The following FRYL variants were observed in gnomAD, a reference collection of about 807,000 sequenced individuals.
The protein encoded by FRYL is FRY like transcription coactivator.
FRYL carries 150 observed loss-of-function variants against 351.2 expected under a neutral mutation model. That is an observed-to-expected ratio of 0.43 (90% CI 0.37 to 0.49). FRYL has a LOEUF of 0.49. Ranked by LOEUF, FRYL falls within the 20% of genes least tolerant of loss-of-function variation. The probability of loss-of-function intolerance (pLI) is 0.00; values close to 1 mark genes in which losing one functional copy is unlikely to be tolerated. For missense variants in FRYL, 3,036 were observed against 3,619.3 expected, an observed-to-expected ratio of 0.84 and a Z score of 4.13; for synonymous variants, 1,153 against 1,257.1, an observed-to-expected ratio of 0.92 and a Z score of 1.75.
At chr4:48,600,859 A>G (rs1248709575) in intron 13 of FRYL, among the ~76,000 whole-genome samples, 2 of 152,192 alleles carry the variant, frequency 1.3e-5, no homozygotes, top group Non-Finnish European at 2.9e-5. Flanking sequence ...TAAAGAGTTC[A>G]ATCAGTTTGA....
chr4:48,646,747 G>A (rs1470687257), intron 3 of FRYL, among the ~76,000 whole-genome samples: 2 of 152,156 alleles, frequency 1.3e-5, no homozygotes, highest in Admixed American at 6.6e-5. Flanking sequence ...TAAGCAGTCA[G>A]TACAGAGGGG....
At chr4:48,499,879 G>T in intron 63 of FRYL, 151 bp downstream of exon 63, 1 of 740,346 alleles carries the variant, frequency 1.4e-6, no homozygotes, top group Non-Finnish European at 2.1e-6. Flanking sequence ...ATCTAAAATT[G>T]GTATCATTTC....
At chr4:48,636,469 A>C (rs1754255198) in intron 3 of FRYL, among the ~76,000 whole-genome samples, 1 of 152,064 alleles carries the variant, frequency 6.6e-6, no homozygotes, top group Non-Finnish European at 1.5e-5. Flanking sequence ...AAATTTTAAC[A>C]AAGTAAAAAC....
At chr4:48,777,343 G>A (rs1420299751) in intron 1 of FRYL, among the ~76,000 whole-genome samples, 1 of 152,194 alleles carries the variant, frequency 6.6e-6, no homozygotes, top group Non-Finnish European at 1.5e-5. Flanking sequence ...CTGGCCTTTA[G>A]TATAAAATGT....
At chr4:48,559,085 G>A (rs1488012190) in intron 33 of FRYL, among the ~76,000 whole-genome samples, 2 of 152,100 alleles carry the variant, frequency 1.3e-5, no homozygotes, top group Admixed American at 6.5e-5. Flanking sequence ...TTTCTTATTC[G>A]GTAAAAAGAA....
intron 3 of FRYL, among the ~76,000 whole-genome samples, chr4:48,672,406 T>C (rs1259201757): frequency 6.6e-6 from 1 of 152,150 alleles, no homozygotes; most frequent in African/African-American, 2.4e-5. Flanking sequence ...AACAACCCAA[T>C]AGGGCTTCTC....
chr4:48,669,708 T>C (rs555092566), intron 3 of FRYL, among the ~76,000 whole-genome samples: 4 of 151,000 alleles, frequency 2.6e-5, no homozygotes, highest in Non-Finnish European at 4.4e-5. Context: ...TTATTAAACA[T>C]ATATTTAATA....
chr4:48,570,643 T>A (rs999099207), intron 27 of FRYL, among the ~76,000 whole-genome samples, 184 bp downstream of exon 27: 4 of 152,236 alleles, frequency 2.6e-5, no homozygotes, highest in African/African-American at 9.6e-5. Context: ...GATTTTTCAA[T>A]ACATTTTTAG....
chr4:48,730,529 G>A (rs550919862), intron 1 of FRYL, among the ~76,000 whole-genome samples: 192 of 152,240 alleles, frequency 1.3e-3, no homozygotes, highest in Non-Finnish European at 3.7e-4. Context: ...GAATAACAGC[G>A]GATCTCTCTG....
At chr4:48,523,874 A>G (rs1218658641) in intron 53 of FRYL, among the ~76,000 whole-genome samples, 1 of 152,236 alleles carries the variant, frequency 6.6e-6, no homozygotes, top group Non-Finnish European at 1.5e-5. Context: ...AGCTCTGGCT[A>G]AATTCAATGG....
chr4:48,516,925 T>C (rs1260033792), intron 55 of FRYL, among the ~76,000 whole-genome samples: 1 of 152,018 alleles, frequency 6.6e-6, no homozygotes, highest in Non-Finnish European at 1.5e-5. Flanking sequence ...TTGACAAACA[T>C]GAGGTAGGGA....
At chr4:48,656,174 A>G (rs1758912856) in intron 3 of FRYL, among the ~76,000 whole-genome samples, 1 of 135,012 alleles carries the variant, frequency 7.4e-6, no homozygotes, top group Non-Finnish European at 1.5e-5. Flanking sequence ...ACATTATATA[A>G]TGTATAGTTA....
In FRYL at chr4:48,522,995, G is replaced by T; in HGVS notation, c.7427C>A (p.Pro2476His). The change falls in exon 54 of 64, where the codon CCC becomes CAC. Residue 2476 changes from proline (P) to histidine (H), a missense_variant. Pro to His is a moderately conservative substitution (Grantham distance 77, BLOSUM62 -2). Coordinates refer to ENST00000358350, the MANE Select transcript of FRYL (RefSeq NM_015030.2). ...LQEYQCSSST[P>H]SLNLTNQEDT... ...CTCCTGATTGGTGAGGTTCAGGCTGGGGGTGCTACTAGAGCACTGGTACTC... is the reference window on the plus strand; with the variant it reads ...CTCCTGATTGGTGAGGTTCAGGCTGTGGGTGCTACTAGAGCACTGGTACTC... The T allele has an allele frequency of 6.2e-7, 1 of 1,613,866 alleles. No individual in the cohort carries two copies. Among genetic ancestry groups the T allele is most frequent in the Non-Finnish European group, 8.5e-7 (1 of 1,179,866 alleles).
chr4:48,708,777 A>G (rs1378280580), intron 2 of FRYL, among the ~76,000 whole-genome samples: 2 of 152,060 alleles, frequency 1.3e-5, no homozygotes, highest in Non-Finnish European at 2.9e-5. Flanking sequence ...AATTTTCTGT[A>G]GAGATGGGGT....
At chr4:48,652,491 A>C (rs544730919) in intron 3 of FRYL, among the ~76,000 whole-genome samples, 21 of 152,196 alleles carry the variant, frequency 1.4e-4, no homozygotes, top group Non-Finnish European at 2.8e-4. Flanking sequence ...CAATATTTTA[A>C]CTATGTATAT....
At chr4:48,712,137 T>A (rs1042078728) in intron 1 of FRYL, among the ~76,000 whole-genome samples, 3 of 151,896 alleles carry the variant, frequency 2.0e-5, no homozygotes, top group Non-Finnish European at 4.4e-5. Context: ...GCAGAAAAAC[T>A]GGAAACTCTA....
chr4:48,638,924 G>C (rs971450362), intron 3 of FRYL, among the ~76,000 whole-genome samples: 2 of 152,084 alleles, frequency 1.3e-5, no homozygotes, highest in Admixed American at 6.6e-5. Flanking sequence ...AAGGGACACA[G>C]GGAGGGGAAC....
intron 1 of FRYL, among the ~76,000 whole-genome samples, chr4:48,728,769 T>C (rs1420878971): frequency 6.6e-6 from 1 of 152,134 alleles, no homozygotes; most frequent in Non-Finnish European, 1.5e-5. Flanking sequence ...GATGGACGAA[T>C]AGTAACAGCT....
Position 48,726,833 on chromosome 4 carries a change from G to C in FRYL, c.-383-16135C>G, listed in dbSNP as rs547163368. 3.9e-5 allele frequency among the ~76,000 whole-genome samples: 6 copies of C among 152,336 alleles called. No individual in the cohort carries two copies. The South Asian group carries it at 1.2e-3, about 32-fold the overall frequency. On this transcript the variant is annotated intron_variant, in intron 1 of 63. Transcript: ENST00000358350. ...CCTGAAAGGTACAAACTTGATATGAGTGAGAAATAATAATCTTTGTGTTTT... is the reference window on the plus strand; with the variant it reads ...CCTGAAAGGTACAAACTTGATATGACTGAGAAATAATAATCTTTGTGTTTT...
Sources: allele counts gnomAD v4.1 joint callset (sites outside exome capture counted in the v4.1 genomes callset), GRCh38; gene constraint gnomAD v4.1.1; transcripts MANE v1.5; gene names NCBI Gene and HGNC (gene_info 2026-07-23, HGNC 2026-07-21).